RFPL1: variants seen among roughly 807,000 people sequenced by gnomAD.
RFPL1 encodes the protein ret finger protein-like 1.
In RFPL1, 6 loss-of-function variants were observed where a neutral mutation model predicts 9.6. That is an observed-to-expected ratio of 0.62 (90% confidence interval 0.34 to 1.23). The LOEUF (loss-of-function observed/expected upper bound fraction) is 1.23, where lower values mean the gene tolerates loss of function less well. RFPL1 is among the 50% of genes most tolerant of loss of function. The probability of loss-of-function intolerance (pLI) is 0.03; values close to 1 mark genes in which losing one functional copy is unlikely to be tolerated. For synonymous variants in RFPL1, 145 were observed against 149.4 expected (o/e 0.97, Z 0.22); for missense variants, 352 against 398.4 (o/e 0.88, Z 0.99).
chr22:29,396,897 C>CTT, the RFPL1 span, among the ~76,000 whole-genome samples: 62 of 72,578 alleles, frequency 8.5e-4, 1 homozygote, highest in African/African-American at 1.1e-3. Context: ...CCTGAAACTT[C>CTT]TTTTTTTTTT....
At chr22:29,423,583 G>A in the RFPL1 span, among the ~76,000 whole-genome samples, 1,297 of 152,168 alleles carry the variant, frequency 8.5e-3, 36 homozygotes, top group East Asian at 0.15. Flanking sequence ...AAGGATGGAC[G>A]GGCTTACAGC....
At chr22:29,397,452 G>A in the RFPL1 span, among the ~76,000 whole-genome samples, 2 of 152,028 alleles carry the variant, frequency 1.3e-5, no homozygotes, top group Admixed American at 1.3e-4. Flanking sequence ...TTTCCTAACC[G>A]CCCTGTAGCT....
At chr22:29,426,165 A>G in the RFPL1 span, among the ~76,000 whole-genome samples, 1 of 150,710 alleles carries the variant, frequency 6.6e-6, no homozygotes, top group Admixed American at 6.6e-5. Flanking sequence ...TCCACTAAAA[A>G]TACAAAAATT....
At chr22:29,437,701 T>C (rs2062815373), upstream of RFPL1, 2 of 1,586,730 alleles carry the variant, frequency 1.3e-6, no homozygotes, top group Admixed American at 1.9e-5. Flanking sequence ...TGGAAGCAGC[T>C]GGAGGACAGA....
At chr22:29,411,967 C>T in the RFPL1 span, among the ~76,000 whole-genome samples, 1 of 152,154 alleles carries the variant, frequency 6.6e-6, no homozygotes, top group Non-Finnish European at 1.5e-5. Flanking sequence ...CCCCCCACCT[C>T]AGTTGGAGTG....
At chr22:29,437,651 G>A (rs763327437), upstream of RFPL1, 21 of 1,590,680 alleles carry the variant, frequency 1.3e-5, no homozygotes, top group South Asian at 5.8e-5. Context: ...CCAATAAAAC[G>A]CCCTCATGTG....
chr22:29,421,125 C>G, the RFPL1 span, among the ~76,000 whole-genome samples: 1 of 152,174 alleles, frequency 6.6e-6, no homozygotes, highest in Non-Finnish European at 1.5e-5. Flanking sequence ...GGTCTGCTAG[C>G]TCCAAAGCCC....
At chr22:29,432,375 G>C in the RFPL1 span, among the ~76,000 whole-genome samples, 1 of 152,082 alleles carries the variant, frequency 6.6e-6, no homozygotes, top group Non-Finnish European at 1.5e-5. Flanking sequence ...CCCTGCACCT[G>C]GAACTGTTTG....
chr22:29,416,961 T>C, the RFPL1 span, among the ~76,000 whole-genome samples: 3 of 152,156 alleles, frequency 2.0e-5, no homozygotes, highest in Non-Finnish European at 2.9e-5. Context: ...AGAGATCAAT[T>C]TTCTATCTCT....
chr22:29,408,159 G>C, the RFPL1 span, among the ~76,000 whole-genome samples: 8 of 152,280 alleles, frequency 5.3e-5, no homozygotes, highest in East Asian at 1.5e-3. Flanking sequence ...GAAGTTAAAT[G>C]ATCTTGTAAC....
At chr22:29,413,462 C>T in the RFPL1 span, among the ~76,000 whole-genome samples, 25,884 of 152,072 alleles carry the variant, frequency 0.17, 2,359 homozygotes, top group Non-Finnish European at 0.21. Flanking sequence ...AATGTAGGGA[C>T]ATCAGCAGTG....
upstream of RFPL1, chr22:29,437,158 T>A (rs577891857): frequency 1.2e-3 from 187 of 158,758 alleles, no homozygotes; most frequent in Non-Finnish European, 1.8e-3. Context: ...ATAGTAATTA[T>A]CCAATTTTTT....
chr22:29,395,558 C>T, the RFPL1 span, among the ~76,000 whole-genome samples: 28 of 152,258 alleles, frequency 1.8e-4, no homozygotes, highest in African/African-American at 6.0e-4. Context: ...CATTTCTAGT[C>T]TTCCCAGTAG....
exon 2 of RFPL1, chr22:29,442,229 A>G (rs955718576): frequency 1.4e-6 from 1 of 735,420 alleles, no homozygotes; most frequent in African/African-American, 1.8e-5. Flanking sequence ...TAGGAGAAAA[A>G]TATGGGACAA....
chr22:29,424,836 C>CG, the RFPL1 span, among the ~76,000 whole-genome samples: 4 of 103,076 alleles, frequency 3.9e-5, no homozygotes, highest in Non-Finnish European at 5.8e-5. Context: ...CCCTCCCACC[C>CG]CCCCCCCCGC....
the RFPL1 span, among the ~76,000 whole-genome samples, chr22:29,420,545 G>T: frequency 6.6e-6 from 1 of 151,500 alleles, no homozygotes; most frequent in East Asian, 1.9e-4. Context: ...TGGCCAGGCT[G>T]GTCTTGAAAT....
chr22:29,396,487 G>T, the RFPL1 span, among the ~76,000 whole-genome samples: 1 of 152,276 alleles, frequency 6.6e-6, no homozygotes, highest in East Asian at 1.9e-4. Flanking sequence ...AATTACCGAG[G>T]TATTCTGTTA....
chr22:29,396,262 G>C, the RFPL1 span, among the ~76,000 whole-genome samples: 8 of 152,102 alleles, frequency 5.3e-5, no homozygotes, highest in Admixed American at 1.3e-4. Flanking sequence ...GAGGTGTTTG[G>C]GTCATGAAGT....
exon 2 of RFPL1, chr22:29,441,761 G>A: frequency 6.2e-7 from 1 of 1,613,984 alleles, no homozygotes. Context: ...GGAGTCTGCA[G>A]AGAATCTGTT....
Sources: gnomAD v4.1 joint callset for allele counts (sites outside exome capture counted in the v4.1 genomes callset) on GRCh38, gnomAD v4.1.1 for gene constraint, MANE v1.5 for transcripts, NCBI Gene and HGNC (gene_info 2026-07-23, HGNC 2026-07-21) for gene names.